Variants in TRIP11 observed in about 807,000 individuals in gnomAD.
TRIP11 encodes thyroid receptor-interacting protein 11.
A neutral mutation model predicts 223.1 loss-of-function variants in TRIP11; 148 were observed. The ratio of observed to expected loss-of-function variants is 0.66; its 90% CI spans 0.58 to 0.76. The LOEUF is 0.76. Ranked by LOEUF, TRIP11 falls within the 30% of genes least tolerant of loss-of-function variation. TRIP11 has a pLI of 0.00. For synonymous variants in TRIP11, 762 were observed against 772.6 expected (o/e 0.99, Z 0.23); for missense variants, 2,043 against 2,222.0 (o/e 0.92, Z 1.62).
rs201215864 is a variant in TRIP11 at position 92,005,946 on chromosome 14, A to C, written c.2030T>G (p.Met677Arg). 6.2e-7 allele frequency: 1 copy of C among 1,613,272 alleles called. No homozygotes were observed. Residue 677 changes from methionine to arginine, a missense_variant, in exon 11 of 21, where the codon ATG (methionine) becomes AGG (arginine). Met to Arg is a moderately conservative substitution (Grantham distance 91). Coordinates refer to ENST00000267622, the MANE Select transcript of TRIP11 (RefSeq NM_004239.4). ...NLKKVAFDVK[M>R]ENEKLVLACE... ...TGCTAAAACTAACTTTTCATTTTCC[A>C]TTTTGACATCAAAAGCAACTTTCTT...
chr14:91,974,648 A>C lies in TRIP11; in HGVS notation c.5553T>G (p.Asn1851Lys). The change falls in exon 19 of 21, where the codon AAT (asparagine) becomes AAG (lysine). Residue 1851 changes from asparagine (N) to lysine (K), a missense_variant. Physicochemically the swap from Asn to Lys is moderately conservative, Grantham distance 94. Coordinates refer to ENST00000267622, the MANE Select transcript of TRIP11 (RefSeq NM_004239.4). The part of the protein sequence containing the change: ...KSVPNTPLRP[N>K]QQSVVNSSFS... ...TTACACTATTAACCACAGATTGCTG[A>C]TTTGGTCTCAAAGGTGTGTTGGGAA... 1 of 1,612,388 alleles carries C rather than the reference A, an allele frequency of 6.2e-7. No homozygotes were observed. Among genetic ancestry groups the C allele is most frequent in the Non-Finnish European group, 8.5e-7 (1 of 1,179,910 alleles).
intron 5 of TRIP11, among the ~76,000 whole-genome samples, chr14:92,016,224 T>C (rs1357974129): frequency 6.6e-6 from 1 of 152,174 alleles, no homozygotes; most frequent in Non-Finnish European, 1.5e-5. Context: ...TACCTGCTGT[T>C]CCACTACTTC....
chr14:92,028,821 T>C (rs536072877), intron 2 of TRIP11, among the ~76,000 whole-genome samples: 6 of 152,350 alleles, frequency 3.9e-5, no homozygotes, highest in African/African-American at 1.4e-4. Context: ...TTGAAATCCA[T>C]AGGACACTCA....
At chr14:92,035,522 G>A (rs1400163188) in intron 1 of TRIP11, among the ~76,000 whole-genome samples, 5 of 147,864 alleles carry the variant, frequency 3.4e-5, no homozygotes, top group African/African-American at 1.2e-4. Context: ...ACTAACAATC[G>A]CTAATGAGCT....
chr14:92,029,280 A>ATTAT (rs2057230210), intron 2 of TRIP11, among the ~76,000 whole-genome samples: 8 of 76,798 alleles, frequency 1.0e-4, no homozygotes, highest in African/African-American at 4.6e-4. Context: ...CCAAAGTATT[A>ATTAT]TTTTTTTTTT....
At chr14:91,991,604 A>G (rs2056673129) in intron 15 of TRIP11, among the ~76,000 whole-genome samples, 1 of 152,182 alleles carries the variant, frequency 6.6e-6, no homozygotes, top group Non-Finnish European at 1.5e-5. Flanking sequence ...AGCAATTCCA[A>G]TCAAGATATA....
chr14:92,018,672 T>C (rs1393920457), intron 4 of TRIP11, among the ~76,000 whole-genome samples: 1 of 152,036 alleles, frequency 6.6e-6, no homozygotes, highest in Non-Finnish European at 1.5e-5. Context: ...ACTTTTAGTT[T>C]CCTAGGGCTG....
intron 16 of TRIP11, 59 bp downstream of exon 16, chr14:91,988,225 C>T (rs1358156057): frequency 7.3e-7 from 1 of 1,365,482 alleles, no homozygotes; most frequent in East Asian, 2.4e-5. Flanking sequence ...TGACAGAAGA[C>T]TACATTTGAT....
chr14:91,987,788 G>A (rs2056621021), intron 16 of TRIP11, among the ~76,000 whole-genome samples: 1 of 152,164 alleles, frequency 6.6e-6, no homozygotes, highest in Non-Finnish European at 1.5e-5. Flanking sequence ...GGTATGGACA[G>A]GGCATATGAG....
intron 19 of TRIP11, among the ~76,000 whole-genome samples, chr14:91,973,448 T>TGA (rs1167708022): frequency 1.3e-5 from 2 of 152,216 alleles, no homozygotes; most frequent in African/African-American, 2.4e-5. Flanking sequence ...TAATACTTAT[T>TGA]TTTCTTGCCA....
chr14:91,995,340 C>G lies in TRIP11; in HGVS notation c.5056+12G>C. ...AATTTTTCTTCATTGAAAGAGTGAC[C>G]GTAGAGCTTACCTTGTTGGAAATGC... is the stretch of plus-strand genomic sequence containing the variant. On this transcript the variant is annotated intron_variant, in intron 14 of 20. Coordinates refer to ENST00000267622, the MANE Select transcript of TRIP11 (RefSeq NM_004239.4). 6.2e-7 allele frequency: 1 copy of G among 1,612,728 alleles called. No homozygotes were observed.
At position 91,997,240 on chromosome 14, in the gene TRIP11, A is replaced by G. The variant is rs187514580; in HGVS notation, c.4893-1725T>C. Among the ~76,000 whole-genome samples the G allele has an allele frequency of 2.7e-3, 408 of 152,340 alleles. 1 individual carries two copies. Among genetic ancestry groups the G allele is most frequent in the Admixed American group, 3.8e-3 (58 of 15,306 alleles). ...TTACTATTGTTAAGTAAGGGCTCAC[A>G]CCACCATAATCCGGTTTGTAGATCT... On this transcript the variant is annotated intron_variant, in intron 13 of 20. Transcript: ENST00000267622.
Position 92,004,499 on chromosome 14 carries a change from AAT to A in TRIP11, c.3475_3476del (p.Ile1159SerfsTer35). The A allele has an allele frequency of 6.2e-7, 1 of 1,613,394 alleles. No individual in the cohort carries two copies. The highest frequency in any genetic ancestry group is 8.5e-7 in the Non-Finnish European group (1 of 1,180,022). ...CTCGAATGATACGTGATAAATTCTG[AAT>A]AGTTTCTCTAAACATATCTTGGCCA... is the stretch of plus-strand genomic sequence containing the variant. ...SSGQDMFRET[I>X]QNLSRIIREK... On this transcript the variant is annotated frameshift_variant, in exon 11 of 21. Coordinates refer to ENST00000267622, the MANE Select transcript of TRIP11 (RefSeq NM_004239.4). LOFTEE classifies it high-confidence loss of function.
chr14:92,032,064 C>T (rs942329468), intron 2 of TRIP11, among the ~76,000 whole-genome samples: 16 of 151,958 alleles, frequency 1.1e-4, no homozygotes, highest in African/African-American at 1.7e-4. Flanking sequence ...CCTCCCAAAG[C>T]GCTGAGATTA....
intron 14 of TRIP11, among the ~76,000 whole-genome samples, chr14:91,994,168 C>T (rs917688969): frequency 1.3e-5 from 2 of 152,002 alleles, no homozygotes; most frequent in East Asian, 1.9e-4. Flanking sequence ...TCCTCTTTGG[C>T]AACACTTTCT....
chr14:92,021,753 C>T lies in TRIP11; in HGVS notation c.391G>A (p.Val131Ile), dbSNP rs890681931. 1 of 1,614,204 alleles carries T rather than the reference C, an allele frequency of 6.2e-7. No individual in the cohort carries two copies. Among genetic ancestry groups the T allele is most frequent in the Non-Finnish European group, 8.5e-7 (1 of 1,180,030 alleles). Residue 131 changes from valine to isoleucine, a missense_variant, in exon 4 of 21, where the codon GTA (valine) becomes ATA (isoleucine). Transcript: ENST00000267622. ...LLKLQSAAQS[V>I]PSGAGVPATT... ...GCTGGTACACCAGCTCCTGAAGGTA[C>T]TGACTGAGCAGCTGACTGCAGTTTC...
intron 1 of TRIP11, among the ~76,000 whole-genome samples, chr14:92,036,370 C>T (rs2057325383): frequency 6.6e-6 from 1 of 152,164 alleles, no homozygotes; most frequent in Non-Finnish European, 1.5e-5. Flanking sequence ...CAATTCCAGG[C>T]ATTTTACACT....
chr14:92,000,481 G>A (rs540173885), intron 11 of TRIP11, among the ~76,000 whole-genome samples: 18 of 152,244 alleles, frequency 1.2e-4, no homozygotes, highest in African/African-American at 4.3e-4. Flanking sequence ...TTCATTAGCT[G>A]TGGCAAATAC....
intron 11 of TRIP11, 62 bp from the exon 12 acceptor site, chr14:92,000,170 C>T (rs962272692): frequency 3.2e-5 from 51 of 1,603,960 alleles, no homozygotes; most frequent in Middle Eastern, 3.3e-4. Flanking sequence ...TTAAAAGAGA[C>T]ATTTTCTTCA....
Sources: allele counts gnomAD v4.1 joint callset (sites outside exome capture counted in the v4.1 genomes callset), GRCh38; gene constraint gnomAD v4.1.1; transcripts MANE v1.5; gene names NCBI Gene and HGNC (gene_info 2026-07-23, HGNC 2026-07-21).